The following CNTN5 variants were observed in gnomAD, a reference collection of about 807,000 sequenced individuals.
CNTN5 encodes the protein contactin-5.
CNTN5 carries 77 observed loss-of-function variants against 129.1 expected under a neutral mutation model. That is an observed-to-expected ratio of 0.60 (90% CI 0.50 to 0.72). CNTN5 has a LOEUF of 0.72. CNTN5 is among the 30% of genes least tolerant of loss of function. The pLI is 0.00. For missense variants in CNTN5, 1,478 were observed against 1,328.8 expected, an observed-to-expected ratio of 1.11 and a Z score of -1.75; for synonymous variants, 509 against 465.6, an observed-to-expected ratio of 1.09 and a Z score of -1.20.
intron 10 of CNTN5, among the ~76,000 whole-genome samples, chr11:100,069,696 A>G (rs1044027732): frequency 6.6e-6 from 1 of 152,184 alleles, no homozygotes; most frequent in Non-Finnish European, 1.5e-5. Flanking sequence ...ATGTTGTTAG[A>G]AATAATAAAT....
chr11:99,063,159 A>T (rs1251706881), intron 1 of CNTN5, among the ~76,000 whole-genome samples: 1 of 152,132 alleles, frequency 6.6e-6, no homozygotes, highest in African/African-American at 2.4e-5. Context: ...CTGTCCTGGG[A>T]TGAAAACTGA....
At chr11:99,613,318 C>A (rs953122990) in intron 3 of CNTN5, among the ~76,000 whole-genome samples, 2 of 152,142 alleles carry the variant, frequency 1.3e-5, no homozygotes, top group Admixed American at 1.3e-4. Flanking sequence ...GGGGCTCTTC[C>A]CGGCTTCGCT....
chr11:99,254,382 A>C (rs547647758), intron 1 of CNTN5, among the ~76,000 whole-genome samples: 15 of 152,162 alleles, frequency 9.9e-5, no homozygotes, highest in African/African-American at 3.4e-4. Flanking sequence ...GCCGAAATAC[A>C]TCATGGAAAC....
At position 99,698,914 on chromosome 11, in the gene CNTN5, T is replaced by TA. The variant is rs34792632; in HGVS notation, c.56-120615dup. 4.7e-3 allele frequency among the ~76,000 whole-genome samples: 675 copies of TA among 143,338 alleles called. 4 individuals are homozygous for TA. The highest frequency in any genetic ancestry group is 0.014 in the African/African-American group (555 of 39,444). The allele number at this position is 143,338 out of a possible 152,430, so 94.0% of individuals were successfully genotyped here. On this transcript the variant is annotated intron_variant, in intron 3 of 24. Coordinates refer to ENST00000524871, the MANE Select transcript of CNTN5 (RefSeq NM_014361.4). ...TGGGAAGCATAAAAACACAAAAACA[T>TA]AAAAAAAAAAAAAAACTTGATTCTG...
intron 1 of CNTN5, among the ~76,000 whole-genome samples, chr11:99,217,700 G>GAGA (rs1021624116): frequency 6.6e-6 from 1 of 152,020 alleles, no homozygotes; most frequent in Admixed American, 6.6e-5. Flanking sequence ...GAAAATAGAA[G>GAGA]AGAAGAAGAG....
intron 2 of CNTN5, among the ~76,000 whole-genome samples, chr11:99,480,085 T>G (rs1392202351): frequency 6.6e-6 from 1 of 152,170 alleles, no homozygotes. Context: ...TTTAATCAGA[T>G]TTGTGATATC....
intron 3 of CNTN5, among the ~76,000 whole-genome samples, chr11:99,792,963 G>C (rs1032223952): frequency 6.6e-6 from 1 of 152,070 alleles, no homozygotes; most frequent in Non-Finnish European, 1.5e-5. Flanking sequence ...TGTGAAGTCA[G>C]TGGTAACATC....
chr11:100,162,115 G>A lies in CNTN5; in HGVS notation c.1581-29011G>A, dbSNP rs576819046. On this transcript the variant is annotated intron_variant, in intron 13 of 24. Coordinates refer to ENST00000524871, the MANE Select transcript of CNTN5 (RefSeq NM_014361.4). ...CCAGACTCCTTGGACTCTCATTCTG[G>A]CTGCCTCACCTACTCCCTGCTCTTT... is the stretch of plus-strand genomic sequence containing the variant. Among the ~76,000 whole-genome samples, 173 of 151,892 alleles carry A rather than the reference G, an allele frequency of 1.1e-3. 1 individual carries two copies. Among genetic ancestry groups the A allele is most frequent in the African/African-American group, 3.4e-3 (141 of 41,478 alleles).
chr11:99,676,966 A>G (rs1376972590), intron 3 of CNTN5, among the ~76,000 whole-genome samples: 1 of 152,152 alleles, frequency 6.6e-6, no homozygotes, highest in Non-Finnish European at 1.5e-5. Flanking sequence ...TATGTATATG[A>G]CATGTTTGAC....
intron 13 of CNTN5, among the ~76,000 whole-genome samples, chr11:100,098,358 A>C (rs902927630): frequency 7.2e-5 from 11 of 152,134 alleles, no homozygotes; most frequent in South Asian, 2.1e-4. Context: ...TGACTTTAGT[A>C]CATAACAAAA....
chr11:100,187,512 C>T (rs886225350), intron 13 of CNTN5, among the ~76,000 whole-genome samples: 19 of 151,584 alleles, frequency 1.3e-4, no homozygotes, highest in Non-Finnish European at 1.9e-4. Context: ...AAGTAGAAAG[C>T]GGGAGGCATC....
chr11:99,650,038 G>T (rs911821957), intron 3 of CNTN5, among the ~76,000 whole-genome samples: 3 of 151,692 alleles, frequency 2.0e-5, no homozygotes, highest in African/African-American at 7.2e-5. Flanking sequence ...CCATGCATTT[G>T]GAGCATGCAA....
chr11:99,472,690 A>T (rs1029962777), intron 2 of CNTN5, among the ~76,000 whole-genome samples: 1 of 151,912 alleles, frequency 6.6e-6, no homozygotes, highest in Non-Finnish European at 1.5e-5. Flanking sequence ...TTTTCTTGAG[A>T]TGGAGTCTCA....
At chr11:99,896,172 T>C (rs1428460591) in intron 6 of CNTN5, among the ~76,000 whole-genome samples, 2 of 152,174 alleles carry the variant, frequency 1.3e-5, no homozygotes, top group African/African-American at 4.8e-5. Context: ...AGTATGGATG[T>C]CATAGCTGAC....
At chr11:99,402,212 A>G (rs1201786432) in intron 2 of CNTN5, among the ~76,000 whole-genome samples, 2 of 152,112 alleles carry the variant, frequency 1.3e-5, no homozygotes, top group Non-Finnish European at 2.9e-5. Flanking sequence ...AATCTGTCCT[A>G]TGTGGCTTTT....
intron 13 of CNTN5, among the ~76,000 whole-genome samples, chr11:100,146,991 A>G (rs1326388803): frequency 1.3e-5 from 2 of 152,136 alleles, no homozygotes; most frequent in Admixed American, 6.6e-5. Context: ...AACCTCCTAA[A>G]TGATCTCTTT....
intron 9 of CNTN5, among the ~76,000 whole-genome samples, chr11:100,003,328 G>A (rs1939993963): frequency 6.6e-6 from 1 of 152,122 alleles, no homozygotes; most frequent in South Asian, 2.1e-4. Flanking sequence ...ACCTAAAGAT[G>A]TTAGTTAAGC....
intron 3 of CNTN5, among the ~76,000 whole-genome samples, chr11:99,584,120 G>T (rs989798306): frequency 6.6e-6 from 1 of 152,136 alleles, no homozygotes; most frequent in Admixed American, 6.5e-5. Flanking sequence ...TGTTCTTTAT[G>T]CTGGGTTCTT....
intron 15 of CNTN5, among the ~76,000 whole-genome samples, chr11:100,207,812 T>C (rs1948947162): frequency 6.6e-6 from 1 of 152,188 alleles, no homozygotes; most frequent in South Asian, 2.1e-4. Context: ...GTCTCTGGTG[T>C]TTAAAATTAC....
Sources: allele counts gnomAD v4.1 joint callset (sites outside exome capture counted in the v4.1 genomes callset), GRCh38; gene constraint gnomAD v4.1.1; transcripts MANE v1.5; gene names NCBI Gene and HGNC (gene_info 2026-07-23, HGNC 2026-07-21).